The following MAPK4 variants were observed in gnomAD, a reference collection of about 807,000 sequenced individuals.
MAPK4 encodes mitogen-activated protein kinase 4.
Under a neutral mutation model 47.7 loss-of-function variants are expected in MAPK4, and 22 were observed. The ratio of observed to expected loss-of-function variants is 0.46; its 90% CI spans 0.33 to 0.66. The LOEUF (loss-of-function observed/expected upper bound fraction) is 0.66, where lower values mean the gene tolerates loss of function less well. MAPK4 is among the 30% of genes least tolerant of loss of function. MAPK4 has a pLI of 0.02. For synonymous variants in MAPK4, 390 were observed against 365.7 expected, an observed-to-expected ratio of 1.07 and a Z score of -0.76; for missense variants, 736 against 831.7, an observed-to-expected ratio of 0.88 and a Z score of 1.42.
chr18:50,702,261 G>C (rs1909833174), intron 2 of MAPK4, among the ~76,000 whole-genome samples: 1 of 151,382 alleles, frequency 6.6e-6, no homozygotes, highest in Admixed American at 6.6e-5. Context: ...CAAAGACTGA[G>C]TTATCTTTCA....
chr18:50,609,759 A>G (rs946206389), intron 1 of MAPK4, among the ~76,000 whole-genome samples: 2 of 152,046 alleles, frequency 1.3e-5, no homozygotes, highest in African/African-American at 4.8e-5. Context: ...TGGAGGGAGG[A>G]TTTGAATCTA....
At chr18:50,630,619 T>G (rs2042820338) in intron 1 of MAPK4, among the ~76,000 whole-genome samples, 1 of 152,198 alleles carries the variant, frequency 6.6e-6, no homozygotes, top group Non-Finnish European at 1.5e-5. Context: ...GACACATCCT[T>G]CAAGGTCCTA....
rs1911374610 is a variant in MAPK4 at position 50,729,182 on chromosome 18, CCT to C, written c.1093_1094del (p.Leu365GlyfsTer5). 6.3e-7 allele frequency: 1 copy of C among 1,588,410 alleles called. No individual in the cohort carries two copies. The highest frequency in any genetic ancestry group is 1.3e-5 in the African/African-American group (1 of 74,494). ...SRYPVSLSSDLEWRPDRCQDA... is the reference protein window; with the variant it reads ...SRYPVSLSSDXEWRPDRCQDA... The stretch of plus-strand genomic sequence containing the variant: ...GGTACCCTGTGAGCCTGTCGTCGGA[CCT>C]GGAGTGGCGGCCTGACCGGTGCCAG... On this transcript the variant is annotated frameshift_variant, in exon 6 of 6. Coordinates refer to ENST00000400384, the MANE Select transcript of MAPK4 (RefSeq NM_002747.4). LOFTEE classifies it high-confidence loss of function.
At chr18:50,598,048 C>G (rs1188938105) in intron 1 of MAPK4, among the ~76,000 whole-genome samples, 1 of 152,206 alleles carries the variant, frequency 6.6e-6, no homozygotes, top group Admixed American at 6.5e-5. Context: ...CACTCTCACA[C>G]ATTCATCCTT....
rs76923293 is a variant in MAPK4, at chr18:50,702,008, A to G, written c.547-13071A>G. Reference sequence around the variant, plus strand: ...AAACCCTGTCTCTACTAAAAACAGAAAAAATTAGCTGGGCATGGTGGTACA... The same window carrying G: ...AAACCCTGTCTCTACTAAAAACAGAGAAAATTAGCTGGGCATGGTGGTACA... On this transcript the variant is annotated intron_variant, in intron 2 of 5. Transcript: ENST00000400384. Among the ~76,000 whole-genome samples the G allele has an allele frequency of 4.4e-3, 671 of 151,816 alleles. 2 individuals are homozygous for G. The highest frequency in any genetic ancestry group is 7.2e-3 in the Non-Finnish European group (488 of 67,880).
At chr18:50,709,394 G>C (rs138486127) in intron 2 of MAPK4, among the ~76,000 whole-genome samples, 2 of 152,234 alleles carry the variant, frequency 1.3e-5, no homozygotes, top group African/African-American at 4.8e-5. Context: ...CACAGAGCCT[G>C]CAGCCTCCTT....
chr18:50,616,670 G>A (rs2042687458), intron 1 of MAPK4, among the ~76,000 whole-genome samples: 1 of 152,198 alleles, frequency 6.6e-6, no homozygotes. Flanking sequence ...GCCCCTGGCA[G>A]GTCACTGGTG....
In MAPK4 at chr18:50,722,111, T is replaced by A. The variant is rs770632832; in HGVS notation, c.853+12T>A. The A allele has an allele frequency of 6.2e-7, 1 of 1,607,166 alleles. No homozygotes were observed. The highest frequency in any genetic ancestry group is 1.1e-5 in the South Asian group (1 of 90,024). On this transcript the variant is annotated intron_variant, in intron 4 of 5. Transcript: ENST00000400384. ...AGTGAACAGTGAAGGTACCTGAGCCTGGCAGCCAGGCCAAGTGTCCTGGGA... is the reference window on the plus strand; with the variant it reads ...AGTGAACAGTGAAGGTACCTGAGCCAGGCAGCCAGGCCAAGTGTCCTGGGA...
chr18:50,632,979 T>G (rs2042846328), intron 1 of MAPK4, among the ~76,000 whole-genome samples: 3 of 151,856 alleles, frequency 2.0e-5, no homozygotes, highest in Admixed American at 2.0e-4. Context: ...CACAATGCTA[T>G]TTTGTTTTTG....
intron 2 of MAPK4, among the ~76,000 whole-genome samples, chr18:50,698,761 G>A (rs1187253023): frequency 2.0e-5 from 3 of 152,182 alleles, no homozygotes; most frequent in Admixed American, 6.5e-5. Context: ...CAAGCACGGT[G>A]GCTCACACCT....
intron 3 of MAPK4, among the ~76,000 whole-genome samples, chr18:50,720,851 A>G (rs1223490279): frequency 6.6e-6 from 1 of 152,172 alleles, no homozygotes; most frequent in African/African-American, 2.4e-5. Flanking sequence ...GGCTGCAGGC[A>G]CTTCTTCGGT....
In MAPK4 at chr18:50,672,839, A is replaced by T. The variant is rs561362173; in HGVS notation, c.546+8335A>T. Among the ~76,000 whole-genome samples, 3 of 152,210 alleles carry T rather than the reference A, an allele frequency of 2.0e-5. No individual in the cohort carries two copies. In the South Asian group the frequency reaches 6.2e-4, roughly 31 times the overall value. ...TTGGAGTAGTGGCTATTTACCAGTC[A>T]GCTTGCAGTATTTCATTATTCAGCA... is the stretch of plus-strand genomic sequence containing the variant. On this transcript the variant is annotated intron_variant, in intron 2 of 5. Transcript: ENST00000400384.
At chr18:50,609,757 G>A (rs1043723661) in intron 1 of MAPK4, among the ~76,000 whole-genome samples, 4 of 152,126 alleles carry the variant, frequency 2.6e-5, no homozygotes, top group Non-Finnish European at 5.9e-5. Flanking sequence ...GGTGGAGGGA[G>A]GATTTGAATC....
intron 1 of MAPK4, among the ~76,000 whole-genome samples, chr18:50,645,083 A>G (rs959766646): frequency 4.6e-5 from 7 of 152,180 alleles, no homozygotes; most frequent in Non-Finnish European, 7.3e-5. Flanking sequence ...GGTGGCTGGG[A>G]GAGAGTGGCA....
intron 1 of MAPK4, among the ~76,000 whole-genome samples, chr18:50,602,336 G>A (rs2042548111): frequency 6.6e-6 from 1 of 152,138 alleles, no homozygotes; most frequent in South Asian, 2.1e-4. Flanking sequence ...AACTGATCCA[G>A]TAGAATTTAC....
At chr18:50,681,932 C>A (rs1318368600) in intron 2 of MAPK4, among the ~76,000 whole-genome samples, 1 of 152,092 alleles carries the variant, frequency 6.6e-6, no homozygotes, top group East Asian at 1.9e-4. Flanking sequence ...AATGAGTGAA[C>A]CTTGAAACCA....
chr18:50,694,237 T>C (rs1010975384), intron 2 of MAPK4, among the ~76,000 whole-genome samples: 1 of 152,104 alleles, frequency 6.6e-6, no homozygotes, highest in Non-Finnish European at 1.5e-5. Context: ...TGGACACAGA[T>C]TTTCTGAGGA....
intron 1 of MAPK4, among the ~76,000 whole-genome samples, chr18:50,626,716 G>T (rs988691910): frequency 6.6e-6 from 1 of 152,156 alleles, no homozygotes. Context: ...AAGTCACAAG[G>T]TGTCTCCAGC....
rs952118791 is a variant in MAPK4, at chr18:50,600,308, C to T, written c.-871+40065C>T. ...TCCCAATTTATTCAGGAACCTCTCC[C>T]CTCTCCCTAACCAGGCATCTCAGGG... On this transcript the variant is annotated intron_variant, in intron 1 of 5. Coordinates refer to ENST00000400384, the MANE Select transcript of MAPK4 (RefSeq NM_002747.4). Among the ~76,000 whole-genome samples, 7 of 152,164 alleles carry T rather than the reference C, an allele frequency of 4.6e-5. No homozygotes were observed. In the East Asian group the frequency reaches 7.7e-4, roughly 17 times the overall value.
Sources: gnomAD v4.1 joint callset for allele counts (sites outside exome capture counted in the v4.1 genomes callset) on GRCh38, gnomAD v4.1.1 for gene constraint, MANE v1.5 for transcripts, NCBI Gene and HGNC (gene_info 2026-07-23, HGNC 2026-07-21) for gene names.